SDK1: variants seen among roughly 807,000 people sequenced by gnomAD.
The protein encoded by SDK1 is protein sidekick-1.
A neutral mutation model predicts 245.5 loss-of-function variants in SDK1; 157 were observed. The observed-to-expected ratio is 0.64, with a 90% CI of 0.56 to 0.73. The LOEUF is 0.73. Among genes scored for constraint, SDK1 ranks in the 30% least tolerant of loss-of-function variants. The pLI, the probability that SDK1 is intolerant of heterozygous loss-of-function variation, is 0.00. For missense variants in SDK1, 3,583 were observed against 3,002.3 expected (o/e 1.19, Z -4.52); for synonymous variants, 1,647 against 1,278.5 (o/e 1.29, Z -6.15).
chr7:3,330,832 G>GTTAACCA (rs1359532214), intron 1 of SDK1, among the ~76,000 whole-genome samples: 13 of 124,278 alleles, frequency 1.0e-4, no homozygotes, highest in African/African-American at 3.6e-4. Flanking sequence ...AAAAAAACCA[G>GTTAACCA]GTGTGGTGGT....
intron 5 of SDK1, among the ~76,000 whole-genome samples, chr7:3,824,092 A>G (rs182765067): frequency 1.2e-4 from 19 of 152,230 alleles, no homozygotes; most frequent in Admixed American, 5.9e-4. Context: ...GCTCTAAGCA[A>G]TGAACACTGC....
chr7:4,244,620 C>A (rs554526852), intron 43 of SDK1, among the ~76,000 whole-genome samples: 1 of 152,200 alleles, frequency 6.6e-6, no homozygotes, highest in African/African-American at 2.4e-5. Flanking sequence ...AAACCAACAC[C>A]CATTTAGCAC....
chr7:3,569,845 G>C (rs539386677), intron 1 of SDK1, among the ~76,000 whole-genome samples: 1 of 152,284 alleles, frequency 6.6e-6, no homozygotes, highest in East Asian at 1.9e-4. Context: ...TCTGTCCTTT[G>C]TGACACGCAG....
At chr7:4,114,713 C>T (rs981252164) in intron 25 of SDK1, among the ~76,000 whole-genome samples, 2 of 152,116 alleles carry the variant, frequency 1.3e-5, no homozygotes, top group Non-Finnish European at 2.9e-5. Flanking sequence ...TAGGAGTTTA[C>T]TTCTCACTCA....
At chr7:3,702,749 A>C (rs1784774417) in intron 4 of SDK1, among the ~76,000 whole-genome samples, 2 of 152,188 alleles carry the variant, frequency 1.3e-5, no homozygotes, top group South Asian at 4.1e-4. Context: ...CTAGAAAATA[A>C]ATTAGAAAGA....
At chr7:4,097,207 A>G (rs531879620) in intron 22 of SDK1, among the ~76,000 whole-genome samples, 1 of 152,306 alleles carries the variant, frequency 6.6e-6, no homozygotes, top group East Asian at 1.9e-4. Flanking sequence ...AGATGGCAAG[A>G]CGGCCTGGGC....
intron 29 of SDK1, among the ~76,000 whole-genome samples, chr7:4,147,951 G>T (rs745312869): frequency 1.3e-5 from 2 of 151,934 alleles, no homozygotes; most frequent in African/African-American, 4.8e-5. Context: ...TTATTTCCCC[G>T]TGTCCTGCCC....
At chr7:4,151,646 A>G (rs1000925385) in intron 30 of SDK1, among the ~76,000 whole-genome samples, 2 of 152,178 alleles carry the variant, frequency 1.3e-5, no homozygotes, top group African/African-American at 2.4e-5. Flanking sequence ...CCTCGTCGCC[A>G]TCATTATTTC....
intron 5 of SDK1, among the ~76,000 whole-genome samples, chr7:3,902,147 T>G (rs2128105705): frequency 6.6e-6 from 1 of 152,292 alleles, no homozygotes; most frequent in South Asian, 2.1e-4. Flanking sequence ...TGCTTATTAC[T>G]TCCTTGGTGT....
At chr7:4,210,256 G>T in intron 38 of SDK1, 94 bp downstream of exon 38, 1 of 1,248,368 alleles carries the variant, frequency 8.0e-7, no homozygotes. Context: ...CCGCTTCTGT[G>T]GGCCAGGAGC....
intron 1 of SDK1, among the ~76,000 whole-genome samples, chr7:3,457,779 C>A (rs991489976): frequency 6.6e-6 from 1 of 152,146 alleles, no homozygotes. Context: ...ACACCACCAC[C>A]TTCTCCCTGT....
intron 5 of SDK1, among the ~76,000 whole-genome samples, chr7:3,935,451 A>G (rs1430816492): frequency 6.6e-6 from 1 of 152,226 alleles, no homozygotes; most frequent in African/African-American, 2.4e-5. Context: ...AACCTGTGGA[A>G]TGGGAGGAAG....
intron 4 of SDK1, among the ~76,000 whole-genome samples, chr7:3,808,186 G>A (rs1779297596): frequency 6.6e-6 from 1 of 152,188 alleles, no homozygotes; most frequent in African/African-American, 2.4e-5. Flanking sequence ...CAGTTGCCAG[G>A]CCCGTGGAAC....
intron 1 of SDK1, among the ~76,000 whole-genome samples, chr7:3,582,860 G>C (rs143513208): frequency 6.6e-6 from 1 of 152,124 alleles, no homozygotes; most frequent in East Asian, 1.9e-4. Context: ...CCAACTCAGA[G>C]CGTGGCAACA....
rs182273465 is a variant in SDK1 at position 3,540,499 on chromosome 7, G to T, written c.299-78581G>T. ...AATCCTTCAACAAGACTGAAAAGGC[G>T]CAGTTAAAGAACCAGAGAGAGAAGT... is the stretch of plus-strand genomic sequence containing the variant. On this transcript the variant is annotated intron_variant, in intron 1 of 44. Transcript: ENST00000404826. Among the ~76,000 whole-genome samples the T allele has an allele frequency of 4.8e-4, 73 of 152,250 alleles. 1 individual carries two copies. Among genetic ancestry groups the T allele is most frequent in the African/African-American group, 1.6e-3 (65 of 41,520 alleles).
chr7:3,323,606 C>T (rs985307236), intron 1 of SDK1, among the ~76,000 whole-genome samples: 2 of 152,204 alleles, frequency 1.3e-5, no homozygotes, highest in African/African-American at 4.8e-5. Flanking sequence ...TTTTCGTGTG[C>T]CCCACTCCAT....
At chr7:3,677,054 A>G (rs1357447897) in intron 4 of SDK1, among the ~76,000 whole-genome samples, 1 of 152,088 alleles carries the variant, frequency 6.6e-6, no homozygotes, top group Non-Finnish European at 1.5e-5. Flanking sequence ...TTTGTTTCTT[A>G]TGACTTCTTC....
chr7:3,628,734 A>G (rs1782194491), intron 2 of SDK1, among the ~76,000 whole-genome samples: 1 of 152,220 alleles, frequency 6.6e-6, no homozygotes, highest in Non-Finnish European at 1.5e-5. Flanking sequence ...CTCATTTGAA[A>G]CAACTGTAAA....
chr7:4,201,098 A>G (rs1358104200), intron 35 of SDK1, among the ~76,000 whole-genome samples: 2 of 152,230 alleles, frequency 1.3e-5, no homozygotes, highest in African/African-American at 4.8e-5. Flanking sequence ...GCACTTGCCC[A>G]GACACGGGGC....
Sources: allele counts gnomAD v4.1 joint callset (sites outside exome capture counted in the v4.1 genomes callset), GRCh38; gene constraint gnomAD v4.1.1; transcripts MANE v1.5; gene names NCBI Gene and HGNC (gene_info 2026-07-23, HGNC 2026-07-21).